The following CENATAC variants were observed in gnomAD, a reference collection of about 807,000 sequenced individuals.
CENATAC encodes the protein centrosomal AT-AC splicing factor.
A neutral mutation model predicts 53.7 loss-of-function variants in CENATAC; 53 were observed. That is an observed-to-expected ratio of 0.99 (90% confidence interval 0.79 to 1.24). The LOEUF (loss-of-function observed/expected upper bound fraction) is 1.24, where lower values mean the gene tolerates loss of function less well. CENATAC is among the 50% of genes most tolerant of loss of function. CENATAC has a pLI of 0.00. For synonymous variants in CENATAC, 156 were observed against 144.6 expected (o/e 1.08, Z -0.57); for missense variants, 474 against 417.8 (o/e 1.13, Z -1.17).
At chr11:119,000,323 C>T (rs1172825994) in intron 3 of CENATAC, among the ~76,000 whole-genome samples, 13 of 152,112 alleles carry the variant, frequency 8.5e-5, no homozygotes, top group Non-Finnish European at 1.9e-4. Context: ...CTAATAACAA[C>T]CCTGTACCCA....
At chr11:119,012,337 A>C (rs1484770691) in intron 7 of CENATAC, 83 bp downstream of exon 7, 1 of 1,467,254 alleles carries the variant, frequency 6.8e-7, no homozygotes, top group East Asian at 2.3e-5. Context: ...TACCTATTCA[A>C]GCCACTGCTG....
At chr11:119,001,640 C>G in intron 3 of CENATAC, 1 of 455,818 alleles carries the variant, frequency 2.2e-6, no homozygotes, top group South Asian at 1.5e-5. Flanking sequence ...CAAGTTTTTT[C>G]AAATTGTTGC....
At position 119,015,440 on chromosome 11, in the gene CENATAC, GT is replaced by G; in HGVS notation, c.938+2del. On this transcript the variant is annotated splice_donor_variant, in intron 10 of 10. Coordinates refer to ENST00000334418, the MANE Select transcript of CENATAC (RefSeq NM_198489.3). LOFTEE classifies it high-confidence loss of function. The stretch of plus-strand genomic sequence containing the variant: ...ATAATGGACGCCGCTGGCAGTCCAG[GT>G]ATGTGTGTTCAGTGCCGGGTCTCCA... 6.2e-7 allele frequency: 1 copy of G among 1,614,072 alleles called. No homozygotes were observed. Among genetic ancestry groups the G allele is most frequent in the African/African-American group, 1.3e-5 (1 of 75,048 alleles).
Position 119,012,183 on chromosome 11 carries a change from T to C in CENATAC, c.613T>C (p.Leu205=), listed in dbSNP as rs782340360. 4.3e-6 allele frequency: 7 copies of C among 1,614,172 alleles called. No homozygotes were observed. The highest frequency in any genetic ancestry group is 2.2e-5 in the East Asian group (1 of 44,874). Residue 205 remains leucine (L), a synonymous_variant, in exon 7 of 11, where the codon TTG becomes CTG. Coordinates refer to ENST00000334418, the MANE Select transcript of CENATAC (RefSeq NM_198489.3). The stretch of plus-strand genomic sequence containing the variant: ...TTCCAGCTTACAGCAGCCCTCAAAT[T>C]TGGACCTGCCACCAGCTCCAGAGCT... ...VASSLQQPSN[L]DLPPAPELDW...
chr11:119,012,962 A>G, intron 7 of CENATAC: 1 of 392,948 alleles, frequency 2.5e-6, no homozygotes, highest in Middle Eastern at 6.6e-4. Flanking sequence ...GTATGCTGTG[A>G]GGGCAAGGTT....
rs782393647 is a variant in CENATAC, at chr11:118,998,382, G to C, written c.121-48G>C. On this transcript the variant is annotated intron_variant, in intron 1 of 10. Transcript: ENST00000334418. ...CAGGTCAGTGAAGGCCAGAGCGGGT[G>C]TGATTTGGGGGTCCCCCTCGGGGTT... 3.7e-6 allele frequency: 6 copies of C among 1,612,164 alleles called. No homozygotes were observed. The Admixed American group carries it at 1.0e-4, about 27-fold the overall frequency.
In CENATAC at chr11:119,015,763, A is replaced by G; in HGVS notation, c.*165A>G. ...CAAATGTACAGCTGGTTGGACCTGTAAAAAAAAATTAAAAGAATCAGAACC... is the reference window on the plus strand; with the variant it reads ...CAAATGTACAGCTGGTTGGACCTGTGAAAAAAAATTAAAAGAATCAGAACC... On this transcript the variant is annotated 3_prime_UTR_variant, in exon 11 of 11. Transcript: ENST00000334418. The G allele has an allele frequency of 8.2e-7, 1 of 1,212,296 alleles. No individual in the cohort carries two copies. 75.1% of individuals were successfully genotyped at this position (1,212,296 alleles called of 1,614,324 possible).
Position 119,011,204 on chromosome 11 carries a change from C to T in CENATAC, c.451-17C>T. On this transcript the variant is annotated splice_polypyrimidine_tract_variant and intron_variant, in intron 4 of 10. Coordinates refer to ENST00000334418, the MANE Select transcript of CENATAC (RefSeq NM_198489.3). ...CCCCATGATCCTGTACCTGTCTAAG[C>T]AGCCTCTCTCCCACAGATGGCAGCT... The T allele has an allele frequency of 6.2e-7, 1 of 1,611,330 alleles. No individual in the cohort carries two copies. Among genetic ancestry groups the T allele is most frequent in the Non-Finnish European group, 8.5e-7 (1 of 1,177,724 alleles).
intron 2 of CENATAC, 64 bp downstream of exon 2, chr11:118,998,657 G>A: frequency 6.6e-7 from 1 of 1,510,090 alleles, no homozygotes; most frequent in South Asian, 1.2e-5. Context: ...GAGGGTTTGG[G>A]GTGGGTGAGA....
chr11:119,005,987 A>G (rs1942572135), intron 3 of CENATAC: 1 of 127,046 alleles, frequency 7.9e-6, no homozygotes, highest in African/African-American at 3.1e-5. Context: ...CCCAGACTGG[A>G]GTGCAGCGGT....
At chr11:119,012,514 T>A in intron 7 of CENATAC, 1 of 361,444 alleles carries the variant, frequency 2.8e-6, no homozygotes, top group Non-Finnish European at 5.1e-6. Context: ...CACAGGACAT[T>A]AAATATCCCA....
rs539081513 is a variant in CENATAC at position 119,013,526 on chromosome 11, G to C, written c.715+264G>C. Among the ~76,000 whole-genome samples, 143 of 149,880 alleles carry C rather than the reference G, an allele frequency of 9.5e-4. No individual in the cohort carries two copies. In the Middle Eastern group the frequency reaches 0.01, roughly 11 times the overall value. On this transcript the variant is annotated intron_variant, in intron 8 of 10. Transcript: ENST00000334418. Reference sequence around the variant, plus strand: ...TCGCCCAGGCTGGAGTGCAGTGGCGGGATCTCGGCTCACTGCAAGCTCCGC... The same window carrying C: ...TCGCCCAGGCTGGAGTGCAGTGGCGCGATCTCGGCTCACTGCAAGCTCCGC...
intron 3 of CENATAC, chr11:119,005,614 C>G (rs1359732515): frequency 6.6e-6 from 1 of 151,936 alleles, no homozygotes; most frequent in African/African-American, 2.4e-5. Flanking sequence ...AGCCAGCTGC[C>G]TAGAAATTTC....
chr11:119,014,959 A>T (rs782744418), intron 8 of CENATAC, 35 bp from the exon 9 acceptor site: 66 of 224,484 alleles, frequency 2.9e-4, no homozygotes, highest in Non-Finnish European at 3.8e-4. Context: ...CTGAAGACTT[A>T]AAAAAAAAAA....
In CENATAC at chr11:118,998,943, C is replaced by T. The variant is rs568193213; in HGVS notation, c.285-68C>T. The T allele has an allele frequency of 6.0e-4, 747 of 1,246,120 alleles. 21 individuals are homozygous for T. In the South Asian group the frequency reaches 8.4e-3, roughly 14 times the overall value. 77.2% of individuals were successfully genotyped at this position (1,246,120 alleles called of 1,614,324 possible). ...CCAGATGTCAGTTTGCATTACAAACCTAATGCTTAATATCTGAGTAATATT... is the reference window on the plus strand; with the variant it reads ...CCAGATGTCAGTTTGCATTACAAACTTAATGCTTAATATCTGAGTAATATT... On this transcript the variant is annotated intron_variant, in intron 2 of 10. Transcript: ENST00000334418.
intron 7 of CENATAC, 157 bp from the exon 8 acceptor site, chr11:119,013,075 T>C: frequency 1.7e-6 from 1 of 594,556 alleles, no homozygotes; most frequent in Non-Finnish European, 3.0e-6. Flanking sequence ...CTTACTGTGC[T>C]TTCAAAGTTT....
intron 2 of CENATAC, 79 bp from the exon 3 acceptor site, chr11:118,998,932 G>C (rs1367045448): frequency 2.7e-6 from 3 of 1,106,636 alleles, no homozygotes; most frequent in Non-Finnish European, 4.1e-6. Context: ...ATGTCAGTTT[G>C]CATTACAAAC....
Position 119,015,432 on chromosome 11 carries a change from C to CA in CENATAC, c.932dup (p.Ser312ValfsTer8), listed in dbSNP as rs782709338. On this transcript the variant is annotated frameshift_variant, in exon 10 of 11. Transcript: ENST00000334418. LOFTEE classifies it high-confidence loss of function. Reference sequence around the variant, plus strand: ...CGTCTGGAATAATGGACGCCGCTGGCAGTCCAGGTATGTGTGTTCAGTGCC... The same window carrying CA: ...CGTCTGGAATAATGGACGCCGCTGGCAAGTCCAGGTATGTGTGTTCAGTGCC... 1 of 1,614,076 alleles carries CA rather than the reference C, an allele frequency of 6.2e-7. No individual in the cohort carries two copies. Among genetic ancestry groups the CA allele is most frequent in the South Asian group, 1.1e-5 (1 of 91,074 alleles).
In CENATAC at chr11:119,007,435, G is replaced by C; in HGVS notation, c.384-3329G>C. On this transcript the variant is annotated intron_variant, in intron 3 of 10. Coordinates refer to ENST00000334418, the MANE Select transcript of CENATAC (RefSeq NM_198489.3). ...CTGACCTCATGATCCGCCCACCTCGGCCTCCCAAAGTGCTGGGATTACAGA... is the reference window on the plus strand; with the variant it reads ...CTGACCTCATGATCCGCCCACCTCGCCCTCCCAAAGTGCTGGGATTACAGA... Among the ~76,000 whole-genome samples, 2 of 152,040 alleles carry C rather than the reference G, an allele frequency of 1.3e-5. 1 individual carries two copies. The highest frequency in any genetic ancestry group is 1.3e-4 in the Admixed American group (2 of 15,240).
Sources: allele counts gnomAD v4.1 joint callset (sites outside exome capture counted in the v4.1 genomes callset), GRCh38; gene constraint gnomAD v4.1.1; transcripts MANE v1.5; gene names NCBI Gene and HGNC (gene_info 2026-07-23, HGNC 2026-07-21).